The following CELSR3 variants were observed in gnomAD, a reference collection of about 807,000 sequenced individuals.
CELSR3 encodes the protein cadherin EGF LAG seven-pass G-type receptor 3.
Under a neutral mutation model 270.0 loss-of-function variants are expected in CELSR3, and 73 were observed. That is an observed-to-expected ratio of 0.27 (90% CI 0.22 to 0.33). The LOEUF is 0.33. Ranked by LOEUF, CELSR3 falls within the 10% of genes least tolerant of loss-of-function variation. CELSR3 has a pLI of 1.00. For synonymous variants in CELSR3, 1,780 were observed against 1,905.4 expected (o/e 0.93, Z 1.71); for missense variants, 3,614 against 4,533.8 (o/e 0.80, Z 5.83).
chr3:48,661,548 A>G lies in CELSR3; in HGVS notation c.1087T>C (p.Ser363Pro). 1 of 1,608,136 alleles carries G rather than the reference A, an allele frequency of 6.2e-7. No individual in the cohort carries two copies. The highest frequency in any genetic ancestry group is 8.5e-7 in the Non-Finnish European group (1 of 1,178,514). The change falls in exon 1 of 35, where the codon TCG becomes CCG. Residue 363 changes from serine (S) to proline (P), a missense_variant. Ser to Pro is a moderately conservative substitution (Grantham distance 74). This residue lies in a region of CELSR3 where 354 missense variants were observed against 500.9 expected (regional missense o/e 0.71). Transcript: ENST00000164024. The part of the protein sequence containing the change: ...DAGEAGRLVY[S>P]LAALMNSRSL... ...CGGCTGTTCATGAGTGCCGCCAGCG[A>G]GTAGACTAGGCGCCCGGCCTCGCCG...
chr3:48,653,171 A>G lies in CELSR3; in HGVS notation c.5465T>C (p.Leu1822Pro). The stretch of plus-strand genomic sequence containing the variant: ...CGAGCCCCTGGTCACTGTCACAGAC[A>G]GTAACCCCCGATCTAGCTGTGGGCA... ...TLLCQLDRGL[L>P]SVTVTRGSGR... is the part of the protein sequence containing the mutation. The change falls in exon 10 of 35, where the codon CTG becomes CCG. Residue 1822 changes from leucine (L) to proline (P), a missense_variant. Physicochemically the swap from Leu to Pro is moderately conservative, Grantham distance 98. Coordinates refer to ENST00000164024, the MANE Select transcript of CELSR3 (RefSeq NM_001407.3). The surrounding 1 kb of genome is among the most constrained non-coding windows in gnomAD (Gnocchi z 6.5). The G allele has an allele frequency of 6.2e-7, 1 of 1,613,230 alleles. No individual in the cohort carries two copies. Among genetic ancestry groups the G allele is most frequent in the South Asian group, 1.1e-5 (1 of 91,078 alleles).
chr3:48,659,253 T>G lies in CELSR3; in HGVS notation c.3382A>C (p.Ile1128Leu). Residue 1128 changes from isoleucine (I) to leucine (L), a missense_variant, in exon 1 of 35, where the codon ATT (isoleucine) becomes CTT (leucine). Ile to Leu is a conservative substitution (Grantham distance 5, BLOSUM62 2). Transcript: ENST00000164024. The surrounding 1 kb of genome is among the most constrained non-coding windows in gnomAD (Gnocchi z 8.1). ...TGGCGAGCCTCATAGTCTAGGTCAA[T>G]GAGTGCCGTCAGTTCTCCAGAGAAG... ...DIFSGELTAL[I>L]DLDYEARQEY... 1 of 1,614,178 alleles carries G rather than the reference T, an allele frequency of 6.2e-7. No homozygotes were observed. The highest frequency in any genetic ancestry group is 8.5e-7 in the Non-Finnish European group (1 of 1,180,022).
Position 48,657,367 on chromosome 3 carries a change from G to GCAGTGGTCATCCTGGGGA in CELSR3, c.3749-37_3749-20dup, listed in dbSNP as rs752661655. The GCAGTGGTCATCCTGGGGA allele has an allele frequency of 1.3e-6, 2 of 1,560,306 alleles. No homozygotes were observed. Among genetic ancestry groups the GCAGTGGTCATCCTGGGGA allele is most frequent in the African/African-American group, 2.7e-5 (2 of 74,122 alleles). On this transcript the variant is annotated intron_variant, in intron 1 of 34. Coordinates refer to ENST00000164024, the MANE Select transcript of CELSR3 (RefSeq NM_001407.3). The surrounding 1 kb of genome is among the most constrained non-coding windows in gnomAD (Gnocchi z 5.4). ...AGGCCATCTGCAGGCGGGGGCAGGG[G>GCAGTGGTCATCCTGGGGA]CAGTGGTCATCCTGGGGACAGTGGC...
chr3:48,656,396 A>G (rs2077022467), intron 2 of CELSR3, 31 bp from the exon 3 acceptor site: 1 of 1,389,606 alleles, frequency 7.2e-7, no homozygotes, highest in East Asian at 2.9e-5. Flanking sequence ...AGAGGCGGTC[A>G]CGCCCACGCC....
In CELSR3 at chr3:48,662,502, C is replaced by T. The variant is rs754249488; in HGVS notation, c.133G>A (p.Gly45Ser). 142 of 1,612,438 alleles carry T rather than the reference C, an allele frequency of 8.8e-5. 1 individual carries two copies. In the Middle Eastern group the frequency reaches 1.7e-3, roughly 19 times the overall value. ...GGGGHQGWDP[G>S]LAATTGPRAH... ...CTTGGCCCCGTAGTGGCAGCTAAGC[C>T]TGGGTCCCAGCCCTGGTGCCCACCG... Residue 45 changes from glycine to serine, a missense_variant, in exon 1 of 35, where the codon GGC (glycine) becomes AGC (serine). By Grantham distance (56) the Gly-to-Ser change is moderately conservative. This residue lies in a region of CELSR3 where 470 missense variants were observed against 469.7 expected (regional missense o/e 1.00). Coordinates refer to ENST00000164024, the MANE Select transcript of CELSR3 (RefSeq NM_001407.3). The surrounding 1 kb of genome is among the most constrained non-coding windows in gnomAD (Gnocchi z 7.1).
rs1257581685 is a variant in CELSR3 at position 48,651,511 on chromosome 3, A to G, written c.6066-32T>C. 6.2e-7 allele frequency: 1 copy of G among 1,611,318 alleles called. No homozygotes were observed. The highest frequency in any genetic ancestry group is 1.7e-5 in the Admixed American group (1 of 59,948). ...GTGCAGAGCCAGGTAAGATGCCTCCACGGTATCCCAGTGACCCTCCCTGTC... is the reference window on the plus strand; with the variant it reads ...GTGCAGAGCCAGGTAAGATGCCTCCGCGGTATCCCAGTGACCCTCCCTGTC... On this transcript the variant is annotated intron_variant, in intron 13 of 34. Coordinates refer to ENST00000164024, the MANE Select transcript of CELSR3 (RefSeq NM_001407.3). The surrounding 1 kb of genome is among the most constrained non-coding windows in gnomAD (Gnocchi z 7.4).
Position 48,661,771 on chromosome 3 carries a change from C to T in CELSR3, c.864G>A (p.Pro288=). 1.3e-6 allele frequency: 2 copies of T among 1,598,512 alleles called. No homozygotes were observed. Among genetic ancestry groups the T allele is most frequent in the Non-Finnish European group, 1.7e-6 (2 of 1,174,350 alleles). The part of the protein sequence containing the change: ...SRGLFRCRFL[P]QRPGPRPPGL... The stretch of plus-strand genomic sequence containing the variant: ...CCGGGGGACGCGGCCCGGGGCGCTG[C>T]GGGAGGAAGCGGCAGCGGAAGAGAC... The change falls in exon 1 of 35, where the codon CCG becomes CCA. Residue 288 remains proline (P), a synonymous_variant. Coordinates refer to ENST00000164024, the MANE Select transcript of CELSR3 (RefSeq NM_001407.3).
Position 48,660,736 on chromosome 3 carries a change from G to C in CELSR3, c.1899C>G (p.Asn633Lys). The C allele has an allele frequency of 6.2e-7, 1 of 1,614,132 alleles. No homozygotes were observed. The highest frequency in any genetic ancestry group is 8.5e-7 in the Non-Finnish European group (1 of 1,180,052). ...CCACCTGGATGCTGGCCAGGCCCGT[G>C]TTGTTGGACAGCGGTGGCCGGCCAG... ...QDAGRPPLSN[N>K]TGLASIQVVD... is the part of the protein sequence containing the mutation. The change falls in exon 1 of 35, where the codon AAC (asparagine) becomes AAG (lysine). Residue 633 changes from asparagine (N) to lysine (K), a missense_variant. Asn to Lys is a moderately conservative substitution (Grantham distance 94). Around this residue, in one of 7 missense-constraint regions of CELSR3, gnomAD observed 354 missense variants for 500.9 expected, o/e 0.71. Coordinates refer to ENST00000164024, the MANE Select transcript of CELSR3 (RefSeq NM_001407.3). The surrounding 1 kb of genome is among the most constrained non-coding windows in gnomAD (Gnocchi z 5.5).
At position 48,638,126 on chromosome 3, in the gene CELSR3, G is replaced by T; in HGVS notation, c.*79C>A. 2.3e-6 allele frequency: 3 copies of T among 1,314,008 alleles called. No individual in the cohort carries two copies. Among genetic ancestry groups the T allele is most frequent in the Non-Finnish European group, 3.3e-6 (3 of 908,742 alleles). 81.4% of individuals were successfully genotyped at this position (1,314,008 alleles called of 1,614,324 possible). On this transcript the variant is annotated 3_prime_UTR_variant, in exon 35 of 35. Coordinates refer to ENST00000164024, the MANE Select transcript of CELSR3 (RefSeq NM_001407.3). ...GGAGCAGGAGGCTGCCTTGGGATCT[G>T]CCCCCACTCCTGGAGTCTCTCCTGT...
chr3:48,647,852 G>A lies in CELSR3; in HGVS notation c.7118C>T (p.Ser2373Phe). ...VLLPSQSPRP[S>F]PSEVLPTSSS... ...CTAGGGGCTCTCACCTTCAGATGGG[G>A]ATGGCCGTGGGGACTGGGAAGGCAG... The change falls in exon 20 of 35, where the codon TCC becomes TTC. Residue 2373 changes from serine (S) to phenylalanine (F), a missense_variant. Coordinates refer to ENST00000164024, the MANE Select transcript of CELSR3 (RefSeq NM_001407.3). 1 of 1,609,922 alleles carries A rather than the reference G, an allele frequency of 6.2e-7. No homozygotes were observed. Among genetic ancestry groups the A allele is most frequent in the Non-Finnish European group, 8.5e-7 (1 of 1,179,428 alleles).
At position 48,657,410 on chromosome 3, in the gene CELSR3, C is replaced by T. The variant is rs964971516; in HGVS notation, c.3749-62G>A. On this transcript the variant is annotated intron_variant, in intron 1 of 34. Coordinates refer to ENST00000164024, the MANE Select transcript of CELSR3 (RefSeq NM_001407.3). The surrounding 1 kb of genome is among the most constrained non-coding windows in gnomAD (Gnocchi z 5.4). The stretch of plus-strand genomic sequence containing the variant: ...ACAGTGGCCACCCCTCCCTGGGACA[C>T]AAGAGGGCTGGGGCCAGCGATAGCC... 6.8e-7 allele frequency: 1 copy of T among 1,469,488 alleles called. No individual in the cohort carries two copies. Among genetic ancestry groups the T allele is most frequent in the Non-Finnish European group, 9.0e-7 (1 of 1,108,144 alleles). 91.0% of individuals were successfully genotyped at this position (1,469,488 alleles called of 1,614,324 possible).
rs1309826978 is a variant in CELSR3 at position 48,639,390 on chromosome 3, C to T, written c.9911+284G>A. ...AGGCCTCAGCTCCTGCCCTCCCATT[C>T]GCTAGCTCAGCCCATCGGATGGCAC... On this transcript the variant is annotated intron_variant, in intron 34 of 34. Coordinates refer to ENST00000164024, the MANE Select transcript of CELSR3 (RefSeq NM_001407.3). This position sits in a 1 kb window ranked among gnomAD's most constrained non-coding sequence, Gnocchi z 4.1. 1.3e-5 allele frequency among the ~76,000 whole-genome samples: 2 copies of T among 152,182 alleles called. No homozygotes were observed. Among genetic ancestry groups the T allele is most frequent in the Non-Finnish European group, 2.9e-5 (2 of 68,032 alleles).
In CELSR3 at chr3:48,639,046, G is replaced by A. The variant is rs536919109; in HGVS notation, c.9911+628C>T. 1.3e-5 allele frequency among the ~76,000 whole-genome samples: 2 copies of A among 152,160 alleles called. No individual in the cohort carries two copies. Among genetic ancestry groups the A allele is most frequent in the South Asian group, 2.1e-4 (1 of 4,818 alleles). ...CCACCAGTCCCTCTCGGACTCCTGT[G>A]TATCCAGCTATTTCCTGGGTCTGTC... is the stretch of plus-strand genomic sequence containing the variant. On this transcript the variant is annotated intron_variant, in intron 34 of 34. Coordinates refer to ENST00000164024, the MANE Select transcript of CELSR3 (RefSeq NM_001407.3). This position sits in a 1 kb window ranked among gnomAD's most constrained non-coding sequence, Gnocchi z 4.1.
Position 48,654,085 on chromosome 3 carries a change from G to A in CELSR3, c.5153-82C>T. On this transcript the variant is annotated intron_variant, in intron 7 of 34. Transcript: ENST00000164024. The surrounding 1 kb of genome is among the most constrained non-coding windows in gnomAD (Gnocchi z 5.4). ...TGGACAGGACTTTAGTGTCCAGAGG[G>A]GCTGAAAGAGACCAAGATCTCAGCC... The A allele has an allele frequency of 1.3e-6, 2 of 1,563,342 alleles. No individual in the cohort carries two copies. Among genetic ancestry groups the A allele is most frequent in the Non-Finnish European group, 8.7e-7 (1 of 1,149,282 alleles).
In CELSR3 at chr3:48,640,157, G is replaced by A; in HGVS notation, c.9428C>T (p.Ala3143Val). The A allele has an allele frequency of 2.5e-6, 4 of 1,612,562 alleles. No individual in the cohort carries two copies. Among genetic ancestry groups the A allele is most frequent in the Non-Finnish European group, 3.4e-6 (4 of 1,179,916 alleles). ...AMAGRFGSRD[A>V]LDLGAPREWL... ...CTCTCGAGGTGCCCCTAAGTCGAGC[G>A]CATCCCGTGACCCGAAGCGGCCAGC... is the stretch of plus-strand genomic sequence containing the variant. Residue 3143 changes from alanine (A) to valine (V), a missense_variant, in exon 34 of 35, where the codon GCG becomes GTG. Ala to Val is a moderately conservative substitution (Grantham distance 64). Transcript: ENST00000164024. This position sits in a 1 kb window ranked among gnomAD's most constrained non-coding sequence, Gnocchi z 7.5.
rs1003465663 is a variant in CELSR3, at chr3:48,647,949, G to T, written c.7021C>A (p.Arg2341Ser). The T allele has an allele frequency of 1.2e-6, 2 of 1,611,966 alleles. No homozygotes were observed. Among genetic ancestry groups the T allele is most frequent in the African/African-American group, 2.7e-5 (2 of 74,780 alleles). Residue 2341 changes from arginine to serine, a missense_variant, in exon 20 of 35, where the codon CGT (arginine) becomes AGT (serine). Coordinates refer to ENST00000164024, the MANE Select transcript of CELSR3 (RefSeq NM_001407.3). ...MEHPSSPRGA[R>S]RYPRYHSNLF... ...TTGCTATGGTAGCGAGGGTAGCGAC[G>T]GGCCCCCCGGGGAGAACTGGGGTGC...
rs2047167749 is a variant in CELSR3 at position 48,655,008 on chromosome 3, G to C, written c.4988+36C>G. ...GAAGGGTTGGAGTGGGCTTTGGTAG[G>C]CAGGGGACAAGGGGACTAGGGGGCA... On this transcript the variant is annotated intron_variant, in intron 6 of 34. Transcript: ENST00000164024. This position sits in a 1 kb window ranked among gnomAD's most constrained non-coding sequence, Gnocchi z 5.8. 4 of 1,602,760 alleles carry C rather than the reference G, an allele frequency of 2.5e-6. No homozygotes were observed. Among genetic ancestry groups the C allele is most frequent in the Non-Finnish European group, 3.4e-6 (4 of 1,170,134 alleles).
At position 48,659,378 on chromosome 3, in the gene CELSR3, A is replaced by G. The variant is rs777683140; in HGVS notation, c.3257T>C (p.Val1086Ala). 2.5e-6 allele frequency: 4 copies of G among 1,614,166 alleles called. No individual in the cohort carries two copies. The highest frequency in any genetic ancestry group is 8.5e-7 in the Non-Finnish European group (1 of 1,180,028). Reference sequence around the variant, plus strand: ...AGGGTCCACTGCAGTGATCTGGGCCACCACTGAGCCCACAATGCTATTCTC... The same window carrying G: ...AGGGTCCACTGCAGTGATCTGGGCCGCCACTGAGCCCACAATGCTATTCTC... ...VKENSIVGSV[V>A]AQITAVDPDE... The change falls in exon 1 of 35, where the codon GTG becomes GCG. Residue 1086 changes from valine to alanine, a missense_variant. By Grantham distance (64) the Val-to-Ala change is moderately conservative (BLOSUM62 0). Around this residue, in one of 7 missense-constraint regions of CELSR3, gnomAD observed 1,331 missense variants for 1,933.7 expected, o/e 0.69. Coordinates refer to ENST00000164024, the MANE Select transcript of CELSR3 (RefSeq NM_001407.3). This position sits in a 1 kb window ranked among gnomAD's most constrained non-coding sequence, Gnocchi z 8.1.
intron 17 of CELSR3, 32 bp downstream of exon 17, chr3:48,649,089 T>C: frequency 6.3e-7 from 1 of 1,595,400 alleles, no homozygotes; most frequent in South Asian, 1.1e-5. Flanking sequence ...AGGAAGGTCT[T>C]AGGTTGCAGG....
Sources: gnomAD v4.1 joint callset for allele counts (sites outside exome capture counted in the v4.1 genomes callset) on GRCh38, gnomAD v4.1.1 for gene constraint, gnomAD v4.1.1 regional missense constraint, Gnocchi (gnomAD v3.1) non-coding constraint, MANE v1.5 for transcripts, NCBI Gene and HGNC (gene_info 2026-07-23, HGNC 2026-07-21) for gene names.